PDE7B: variants seen among roughly 807,000 people sequenced by gnomAD.
The protein encoded by PDE7B is 3',5'-cyclic-AMP phosphodiesterase 7B.
In PDE7B, 29 loss-of-function variants were observed where a neutral mutation model predicts 56.2. The observed-to-expected ratio is 0.52, with a 90% CI of 0.38 to 0.70. The LOEUF (loss-of-function observed/expected upper bound fraction) is 0.70. PDE7B is among the 30% of genes least tolerant of loss of function. The pLI is 0.00. For missense variants in PDE7B, 490 were observed against 565.0 expected (o/e 0.87, Z 1.35); for synonymous variants, 197 against 196.9 (o/e 1.00, Z 0.00).
intron 3 of PDE7B, among the ~76,000 whole-genome samples, chr6:136,118,834 A>G (rs1777880636): frequency 6.6e-6 from 1 of 152,198 alleles, no homozygotes; most frequent in Non-Finnish European, 1.5e-5. Flanking sequence ...TGACTTCAGT[A>G]TCATTGAACA....
At chr6:135,883,207 G>A (rs1460849321) in intron 1 of PDE7B, among the ~76,000 whole-genome samples, 2 of 152,058 alleles carry the variant, frequency 1.3e-5, no homozygotes, top group African/African-American at 4.8e-5. Context: ...TCTATATATG[G>A]AAAATCCCCC....
chr6:136,188,354 T>C (rs1779173455), intron 12 of PDE7B, among the ~76,000 whole-genome samples: 1 of 152,006 alleles, frequency 6.6e-6, no homozygotes, highest in African/African-American at 2.4e-5. Context: ...CTGGGGATGG[T>C]GGCATAGAAA....
rs150092236 is a variant in PDE7B, at chr6:135,879,682, A to T, written c.21+27663A>T. 4.0e-3 allele frequency among the ~76,000 whole-genome samples: 616 copies of T among 152,316 alleles called. 4 individuals carry two copies. Among genetic ancestry groups the T allele is most frequent in the South Asian group, 0.022 (106 of 4,826 alleles). On this transcript the variant is annotated intron_variant, in intron 1 of 12. Transcript: ENST00000308191. ...ATAATCCCTGTCCTTAAGGAAATACAGTTGGAGAGGCAAACTATATATGAA... is the reference window on the plus strand; with the variant it reads ...ATAATCCCTGTCCTTAAGGAAATACTGTTGGAGAGGCAAACTATATATGAA...
chr6:135,969,796 A>C (rs1378371827), intron 2 of PDE7B, among the ~76,000 whole-genome samples: 1 of 152,222 alleles, frequency 6.6e-6, no homozygotes, highest in African/African-American at 2.4e-5. Flanking sequence ...AAAAGAAACT[A>C]TCATCAGCGT....
chr6:136,002,654 T>A lies in PDE7B; in HGVS notation c.82+55130T>A, dbSNP rs947417334. Among the ~76,000 whole-genome samples the A allele has an allele frequency of 2.4e-3, 370 of 152,176 alleles. 1 individual carries two copies. The highest frequency in any genetic ancestry group is 4.3e-3 in the Non-Finnish European group (291 of 68,014). ...TCAATTCAACAAGAAGAGCTAACTCTCCTAAATATATATGCACCCAATACA... is the reference window on the plus strand; with the variant it reads ...TCAATTCAACAAGAAGAGCTAACTCACCTAAATATATATGCACCCAATACA... On this transcript the variant is annotated intron_variant, in intron 2 of 12. Transcript: ENST00000308191.
intron 1 of PDE7B, among the ~76,000 whole-genome samples, chr6:135,882,891 A>G (rs191719514): frequency 6.6e-6 from 1 of 152,210 alleles, no homozygotes; most frequent in Non-Finnish European, 1.5e-5. Context: ...AAAGTTTTCT[A>G]TTACAAAGAG....
chr6:135,944,576 C>T (rs1774560925), intron 1 of PDE7B, among the ~76,000 whole-genome samples: 2 of 152,156 alleles, frequency 1.3e-5, no homozygotes, highest in Non-Finnish European at 2.9e-5. Context: ...ACCTCATTGT[C>T]ATTGGAAGGG....
chr6:136,112,928 G>T lies in PDE7B; in HGVS notation c.166+4114G>T, dbSNP rs146312510. ...GTCCTAGTTTGCACCTGTTGTTCAG[G>T]AGTATTTATTAATAGTGCCATTTTT... On this transcript the variant is annotated intron_variant, in intron 3 of 12. Coordinates refer to ENST00000308191, the MANE Select transcript of PDE7B (RefSeq NM_018945.4). Among the ~76,000 whole-genome samples, 69 of 152,192 alleles carry T rather than the reference G, an allele frequency of 4.5e-4. 1 individual carries two copies. The Middle Eastern group carries it at 0.01, about 23-fold the overall frequency.
chr6:136,129,105 T>C lies in PDE7B; in HGVS notation c.167-18246T>C, dbSNP rs73565077. Among the ~76,000 whole-genome samples the C allele has an allele frequency of 3.5e-3, 529 of 152,330 alleles. 1 individual carries two copies. Among genetic ancestry groups the C allele is most frequent in the African/African-American group, 0.012 (508 of 41,572 alleles). On this transcript the variant is annotated intron_variant, in intron 3 of 12. Coordinates refer to ENST00000308191, the MANE Select transcript of PDE7B (RefSeq NM_018945.4). ...TCCTTACACACTCTACCAATCTGTA[T>C]TGGGCATATACCATGTAGATTCATT...
intron 12 of PDE7B, among the ~76,000 whole-genome samples, chr6:136,190,331 A>G (rs1430193522): frequency 1.3e-5 from 2 of 152,178 alleles, no homozygotes; most frequent in African/African-American, 4.8e-5. Context: ...CAATCTTTAA[A>G]TCATATTTCA....
intron 9 of PDE7B, among the ~76,000 whole-genome samples, chr6:136,176,152 T>C (rs901428876): frequency 6.6e-6 from 1 of 152,078 alleles, no homozygotes; most frequent in African/African-American, 2.4e-5. Context: ...ATTCATTTGT[T>C]AGAACTCTTT....
chr6:135,993,453 G>T (rs996366378), intron 2 of PDE7B, among the ~76,000 whole-genome samples: 2 of 152,126 alleles, frequency 1.3e-5, no homozygotes, highest in African/African-American at 2.4e-5. Context: ...ATTTTTGAAA[G>T]CTCCCCAGGT....
intron 2 of PDE7B, among the ~76,000 whole-genome samples, chr6:136,041,225 G>A (rs1214559970): frequency 6.6e-6 from 1 of 152,092 alleles, no homozygotes; most frequent in Non-Finnish European, 1.5e-5. Context: ...TTAGCAAAGG[G>A]CATCATTATT....
intron 2 of PDE7B, among the ~76,000 whole-genome samples, chr6:135,966,954 G>T (rs1439935577): frequency 6.6e-6 from 1 of 152,074 alleles, no homozygotes; most frequent in Non-Finnish European, 1.5e-5. Flanking sequence ...CATCTCCCGT[G>T]TTCTGTTTTC....
intron 2 of PDE7B, chr6:136,044,588 A>ATAAG (rs1261545723): frequency 2.0e-5 from 3 of 152,204 alleles, no homozygotes. Context: ...TAAAAAAGGT[A>ATAAG]TAAGTGCAAA....
intron 2 of PDE7B, among the ~76,000 whole-genome samples, chr6:135,988,880 T>C (rs1420788299): frequency 6.6e-6 from 1 of 152,202 alleles, no homozygotes; most frequent in Non-Finnish European, 1.5e-5. Context: ...ACCCAATAAA[T>C]AGTTGGTAAG....
chr6:135,941,385 C>T (rs1306223112), intron 1 of PDE7B, among the ~76,000 whole-genome samples: 22 of 152,228 alleles, frequency 1.4e-4, no homozygotes. Flanking sequence ...CAATAGCATT[C>T]AGTGTTTAGT....
intron 1 of PDE7B, among the ~76,000 whole-genome samples, chr6:135,903,051 A>G (rs570732218): frequency 2.0e-5 from 3 of 152,296 alleles, no homozygotes; most frequent in East Asian, 1.9e-4. Flanking sequence ...CTAGATAATA[A>G]TTTATTCTTC....
intron 1 of PDE7B, among the ~76,000 whole-genome samples, chr6:135,877,198 T>G (rs187867871): frequency 1.4e-4 from 21 of 152,258 alleles, no homozygotes; most frequent in Admixed American, 9.8e-4. Context: ...TTCCATTAAC[T>G]TGTGTTCTGA....
Sources: allele counts gnomAD v4.1 joint callset (sites outside exome capture counted in the v4.1 genomes callset), GRCh38; gene constraint gnomAD v4.1.1; transcripts MANE v1.5; gene names NCBI Gene and HGNC (gene_info 2026-07-23, HGNC 2026-07-21).